Variants in KLHL30 observed in about 807,000 individuals in gnomAD.
KLHL30 encodes the protein kelch like family member 30, also known as kelch-like protein 30.
A neutral mutation model predicts 55.0 loss-of-function variants in KLHL30; 55 were observed. The observed-to-expected ratio is 1.00, with a 90% CI of 0.80 to 1.25. KLHL30 has a LOEUF of 1.25. Ranked by LOEUF, KLHL30 falls within the 50% of genes most tolerant of loss-of-function variation. KLHL30 has a pLI of 0.00. For missense variants in KLHL30, 786 were observed against 811.6 expected, an observed-to-expected ratio of 0.97 and a Z score of 0.38; for synonymous variants, 356 against 372.6, an observed-to-expected ratio of 0.96 and a Z score of 0.51.
chr2:238,142,085 G>C (rs1353042256), intron 2 of KLHL30, among the ~76,000 whole-genome samples: 1 of 152,244 alleles, frequency 6.6e-6, no homozygotes, highest in African/African-American at 2.4e-5. Context: ...GTGCCTGGCA[G>C]GCATGGCAGG....
In KLHL30 at chr2:238,151,102, C is replaced by A. The variant is rs375845038; in HGVS notation, c.*37C>A. The A allele has an allele frequency of 1.3e-6, 2 of 1,555,090 alleles. No individual in the cohort carries two copies. Among genetic ancestry groups the A allele is most frequent in the South Asian group, 2.4e-5 (2 of 84,456 alleles). On this transcript the variant is annotated 3_prime_UTR_variant, in exon 8 of 8. Coordinates refer to ENST00000409223, the MANE Select transcript of KLHL30 (RefSeq NM_198582.4). ...GGTCCCCGGGGAGGAGTCCCCACAG[C>A]GGCCCCTCATCAGCCTGTGGAACGG...
rs1047640249 is a variant in KLHL30 at position 238,142,464 on chromosome 2, G to A, written c.775-335G>A. Among the ~76,000 whole-genome samples, 6 of 152,124 alleles carry A rather than the reference G, an allele frequency of 3.9e-5. No individual in the cohort carries two copies. In the South Asian group the frequency reaches 6.2e-4, roughly 16 times the overall value. ...GAGACCTAGGCAGTGACTGCTTACC[G>A]GCCGTTCCTAAGACAGCCAGCATTT... On this transcript the variant is annotated intron_variant, in intron 2 of 7. Coordinates refer to ENST00000409223, the MANE Select transcript of KLHL30 (RefSeq NM_198582.4).
rs541927604 is a variant in KLHL30, at chr2:238,146,198, G to A, written c.1150+366G>A. ...TACAGCAAGGAGTCACCCAGGAGCC[G>A]TCACTGATTAAAGGAACATCGAGAA... On this transcript the variant is annotated intron_variant, in intron 5 of 7. Transcript: ENST00000409223. Among the ~76,000 whole-genome samples, 6 of 152,078 alleles carry A rather than the reference G, an allele frequency of 3.9e-5. No individual in the cohort carries two copies. The East Asian group carries it at 9.9e-4, about 25-fold the overall frequency.
Position 238,151,827 on chromosome 2 carries a change from T to A in KLHL30, c.*762T>A. The stretch of plus-strand genomic sequence containing the variant: ...AGTTTTGCTCTCAGAAGGGATTGCC[T>A]CCGTCTCTGTGTGTCAGAACAAAGG... On this transcript the variant is annotated 3_prime_UTR_variant, in exon 8 of 8. Coordinates refer to ENST00000409223, the MANE Select transcript of KLHL30 (RefSeq NM_198582.4). 2 of 966,996 alleles carry A rather than the reference T, an allele frequency of 2.1e-6. No individual in the cohort carries two copies. The highest frequency in any genetic ancestry group is 2.5e-6 in the Non-Finnish European group (2 of 813,116). 59.9% of individuals were successfully genotyped at this position (966,996 alleles called of 1,614,324 possible).
intron 1 of KLHL30, among the ~76,000 whole-genome samples, chr2:238,139,276 T>C (rs1286304992): frequency 6.6e-6 from 1 of 152,184 alleles, no homozygotes; most frequent in East Asian, 1.9e-4. Flanking sequence ...ATGTGAGGCC[T>C]GCAGGCGGTG....
intron 4 of KLHL30, 116 bp from the exon 5 acceptor site, chr2:238,145,561 C>A: frequency 8.1e-7 from 1 of 1,241,776 alleles, no homozygotes; most frequent in Middle Eastern, 2.7e-4. Context: ...CTCTGGCTCA[C>A]CACGTTGGAG....
Position 238,147,804 on chromosome 2 carries a change from C to G in KLHL30, c.1151-30C>G. ...TCCAGGCCTCCCCTCTCCTCCCCAG[C>G]CCTGAACTGCCCCCGCCCTCACCCC... On this transcript the variant is annotated intron_variant, in intron 5 of 7. Transcript: ENST00000409223. This position sits in a 1 kb window ranked among gnomAD's most constrained non-coding sequence, Gnocchi z 5.8. The G allele has an allele frequency of 1.4e-6, 2 of 1,402,632 alleles. No homozygotes were observed. The highest frequency in any genetic ancestry group is 3.3e-5 in the South Asian group (2 of 60,164). The allele number at this position is 1,402,632 out of a possible 1,614,324, so 86.9% of individuals were successfully genotyped here. A position where few individuals can be genotyped will look rare whatever the true frequency, so the allele number is the denominator to read the frequency against.
Position 238,149,107 on chromosome 2 carries a change from CAAG to C in KLHL30, c.1444_1446del (p.Lys482del). 3.7e-6 allele frequency: 6 copies of C among 1,613,166 alleles called. No individual in the cohort carries two copies. Among genetic ancestry groups the C allele is most frequent in the Non-Finnish European group, 5.1e-6 (6 of 1,179,844 alleles). ...AGCTCTACCTCATTGGGGACAACACCAAGAAGGTCTACGTGTACGACCCCGGGG... is the reference window on the plus strand; with the variant it reads ...AGCTCTACCTCATTGGGGACAACACCAAGGTCTACGTGTACGACCCCGGGG... On this transcript the variant is annotated inframe_deletion, in exon 7 of 8. Transcript: ENST00000409223.
At chr2:238,150,779 C>A (rs761075714) in intron 7 of KLHL30, 35 bp from the exon 8 acceptor site, 18 of 1,544,870 alleles carry the variant, frequency 1.2e-5, no homozygotes, top group Admixed American at 3.9e-5. Flanking sequence ...CTCCAGCTCC[C>A]GCCCACCGGA....
Position 238,142,891 on chromosome 2 carries a change from C to A in KLHL30, c.867C>A (p.Thr289=). Residue 289 remains threonine (T), a synonymous_variant, in exon 3 of 8, where the codon ACC becomes ACA. Coordinates refer to ENST00000409223, the MANE Select transcript of KLHL30 (RefSeq NM_198582.4). ...LEEEEAGEEP[T]PGLGNFAFYN... ...AGGAGGAGGCAGGTGAGGAGCCCAC[C>A]CCCGGCCTTGGGAACTTTGCCTTCT... 2.0e-6 allele frequency: 3 copies of A among 1,496,446 alleles called. No individual in the cohort carries two copies. Among genetic ancestry groups the A allele is most frequent in the Non-Finnish European group, 2.6e-6 (3 of 1,133,906 alleles). The allele number at this position is 1,496,446 out of a possible 1,614,324, so 92.7% of individuals were successfully genotyped here.
rs375543545 is a variant in KLHL30, at chr2:238,141,178, G to A, written c.424G>A (p.Gly142Arg). The A allele has an allele frequency of 4.1e-5, 66 of 1,611,734 alleles. No individual in the cohort carries two copies. The African/African-American group carries it at 4.4e-4, about 11-fold the overall frequency. The change falls in exon 2 of 8, where the codon GGG becomes AGG. Residue 142 changes from glycine to arginine, a missense_variant. Gly to Arg is a moderately radical substitution (Grantham distance 125). Transcript: ENST00000409223. Reference sequence around the variant, plus strand: ...CAACTGCCTGGGCATCTGTGAGTTCGGGGAGCAGCAAGGGCTGCTGGGCGT... The same window carrying A: ...CAACTGCCTGGGCATCTGTGAGTTCAGGGAGCAGCAAGGGCTGCTGGGCGT... ...AANCLGICEF[G>R]EQQGLLGVAA... is the part of the protein sequence containing the mutation.
chr2:238,151,342 A>G lies in KLHL30; in HGVS notation c.*277A>G, dbSNP rs1172875071. On this transcript the variant is annotated 3_prime_UTR_variant, in exon 8 of 8. Transcript: ENST00000409223. Reference sequence around the variant, plus strand: ...AGCTCTGCTGCCCCTGGGGTTCCCGAGACCTCAGAGAGGGGAGCCGGGGGC... The same window carrying G: ...AGCTCTGCTGCCCCTGGGGTTCCCGGGACCTCAGAGAGGGGAGCCGGGGGC... The G allele has an allele frequency of 1.9e-6, 1 of 522,708 alleles. No homozygotes were observed. Among genetic ancestry groups the G allele is most frequent in the Non-Finnish European group, 3.4e-6 (1 of 295,000 alleles). The allele number at this position is 522,708 out of a possible 1,614,324, so 32.4% of individuals were successfully genotyped here. A position where few individuals can be genotyped will look rare whatever the true frequency, so the allele number is the denominator to read the frequency against.
rs377114287 is a variant in KLHL30, at chr2:238,145,765, G to T, written c.1083G>T (p.Ala361=). Residue 361 remains alanine, a synonymous_variant, in exon 5 of 8, where the codon GCG becomes GCT. Coordinates refer to ENST00000409223, the MANE Select transcript of KLHL30 (RefSeq NM_198582.4). ...PLKEASWKPV[A]PMLKPRTNHA... ...AGGAGGCCTCCTGGAAGCCCGTGGC[G>T]CCCATGCTGAAGCCCCGCACCAACC... 1.0e-4 allele frequency: 165 copies of T among 1,605,872 alleles called. No homozygotes were observed. The highest frequency in any genetic ancestry group is 1.4e-4 in the Non-Finnish European group (163 of 1,177,322).
rs1029501663 is a variant in KLHL30 at position 238,141,051 on chromosome 2, G to A, written c.297G>A (p.Thr99=). The change falls in exon 2 of 8, where the codon ACG becomes ACA. Residue 99 remains threonine, a synonymous_variant. Transcript: ENST00000409223. ...DFVYTGRLTI[T]QGNVEALTRT... ...TGTACACAGGCCGGCTGACCATCAC[G>A]CAGGGCAACGTGGAGGCGCTGACAC... 2.5e-6 allele frequency: 4 copies of A among 1,611,884 alleles called. No homozygotes were observed. Among genetic ancestry groups the A allele is most frequent in the Middle Eastern group, 1.6e-4 (1 of 6,062 alleles).
At position 238,149,026 on chromosome 2, in the gene KLHL30, C is replaced by T; in HGVS notation, c.1359C>T (p.Ala453=). 1.2e-6 allele frequency: 2 copies of T among 1,608,082 alleles called. No individual in the cohort carries two copies. Among genetic ancestry groups the T allele is most frequent in the Non-Finnish European group, 1.7e-6 (2 of 1,177,592 alleles). ...CCACAGATGCGTGGAGTGTGATCGC[C>T]TCGCCCTTCCTGCCCAAGTACCTGT... ...NPVTDAWSVI[A]SPFLPKYLSS... Residue 453 remains alanine, a synonymous_variant, in exon 7 of 8, where the codon GCC becomes GCT. Transcript: ENST00000409223.
At chr2:238,146,098 G>A (rs1041548367) in intron 5 of KLHL30, among the ~76,000 whole-genome samples, 1 of 152,120 alleles carries the variant, frequency 6.6e-6, no homozygotes, top group Non-Finnish European at 1.5e-5. Context: ...GCAAGATGGT[G>A]ACTCAGGCCC....
Position 238,151,077 on chromosome 2 carries a change from G to A in KLHL30, c.*12G>A, listed in dbSNP as rs758972647. ...CCCAGGAGCACTAAACCAGGGCCAG[G>A]GTCCCCGGGGAGGAGTCCCCACAGC... On this transcript the variant is annotated 3_prime_UTR_variant, in exon 8 of 8. Transcript: ENST00000409223. 1 of 1,576,266 alleles carries A rather than the reference G, an allele frequency of 6.3e-7. No individual in the cohort carries two copies. The highest frequency in any genetic ancestry group is 1.2e-5 in the South Asian group (1 of 86,384).
At chr2:238,143,791 C>T (rs1692583903) in intron 3 of KLHL30, among the ~76,000 whole-genome samples, 1 of 152,200 alleles carries the variant, frequency 6.6e-6, no homozygotes, top group African/African-American at 2.4e-5. Context: ...GGTGGGGACG[C>T]TGGCAGGAAG....
intron 3 of KLHL30, among the ~76,000 whole-genome samples, chr2:238,144,428 AAGGAAGGCAGGC>A (rs1559276024): frequency 1.5e-3 from 117 of 76,934 alleles, no homozygotes; most frequent in African/African-American, 3.0e-3. Flanking sequence ...GGAAGGAAGG[AAGGAAGGCAGGC>A]AGGCAGGCAG....
Sources: gnomAD v4.1 joint callset for allele counts (sites outside exome capture counted in the v4.1 genomes callset) on GRCh38, gnomAD v4.1.1 for gene constraint, Gnocchi (gnomAD v3.1) non-coding constraint, MANE v1.5 for transcripts, NCBI Gene and HGNC (gene_info 2026-07-23, HGNC 2026-07-21) for gene names.